TLE3: variants seen among roughly 807,000 people sequenced by gnomAD.
TLE3 encodes TLE family member 3, transcriptional corepressor, also known as transducin-like enhancer protein 3.
Under a neutral mutation model 93.0 loss-of-function variants are expected in TLE3, and 14 were observed. The ratio of observed to expected loss-of-function variants is 0.15; its 90% CI spans 0.10 to 0.24. The LOEUF (loss-of-function observed/expected upper bound fraction) is 0.24, where lower values mean the gene tolerates loss of function less well. Among genes scored for constraint, TLE3 ranks in the 10% least tolerant of loss-of-function variants. The pLI is 1.00. For missense variants in TLE3, 693 were observed against 1,046.6 expected (o/e 0.66, Z 4.66); for synonymous variants, 451 against 425.0 (o/e 1.06, Z -0.75).
chr15:70,064,365 G>A (rs577015074), intron 8 of TLE3, 89 bp downstream of exon 8: 17 of 1,522,556 alleles, frequency 1.1e-5, no homozygotes, highest in Non-Finnish European at 1.8e-6. Flanking sequence ...CCGACTGACT[G>A]GTCTCAGGCC....
intron 14 of TLE3, 36 bp downstream of exon 14, chr15:70,056,262 C>A (rs1017133478): frequency 1.9e-6 from 3 of 1,604,566 alleles, no homozygotes; most frequent in Non-Finnish European, 2.6e-6. Flanking sequence ...TCCTGCCCAC[C>A]CTACAAAGCA....
At chr15:70,082,669 G>A (rs928028860) in intron 4 of TLE3, among the ~76,000 whole-genome samples, 12 of 152,234 alleles carry the variant, frequency 7.9e-5, no homozygotes, top group Non-Finnish European at 1.5e-4. Flanking sequence ...GTACAAGAAA[G>A]GCCCAGCCCC....
At chr15:70,051,248 A>G in intron 19 of TLE3, 143 bp downstream of exon 19, 1 of 704,334 alleles carries the variant, frequency 1.4e-6, no homozygotes, top group East Asian at 3.2e-5. Flanking sequence ...CCTATCAGGT[A>G]GGGGTGGGGA....
At chr15:70,079,455 C>A (rs528164956) in intron 4 of TLE3, 6 of 460,816 alleles carry the variant, frequency 1.3e-5, no homozygotes, top group Admixed American at 3.0e-5. Context: ...CCAGCCCCTC[C>A]CCTGGGAAAG....
In TLE3 at chr15:70,096,271, G is replaced by T; in HGVS notation, c.25-10C>A. The T allele has an allele frequency of 6.4e-7, 1 of 1,551,392 alleles. No homozygotes were observed. ...CGGGTTGATGGGGAGCCTGGAGCCC[G>T]CGAAGACAAGACAGGGGAGGGGGCG... On this transcript the variant is annotated splice_polypyrimidine_tract_variant and intron_variant, in intron 1 of 19. Transcript: ENST00000451782.
chr15:70,048,352 C>A lies in TLE3; in HGVS notation c.*1745G>T, dbSNP rs1339599017. 1.3e-5 allele frequency: 2 copies of A among 152,098 alleles called. No homozygotes were observed. Among genetic ancestry groups the A allele is most frequent in the Non-Finnish European group, 2.9e-5 (2 of 68,036 alleles). 9.4% of individuals were successfully genotyped at this position (152,098 alleles called of 1,614,324 possible). ...GAGGTGGCAGATGGACATCTGAGAC[C>A]CAGAGAGACTCTGGACGCCCCACGC... is the stretch of plus-strand genomic sequence containing the variant. On this transcript the variant is annotated 3_prime_UTR_variant, in exon 20 of 20. Coordinates refer to ENST00000451782, the MANE Select transcript of TLE3 (RefSeq NM_001105192.3).
chr15:70,069,734 C>T (rs954446039), intron 6 of TLE3, among the ~76,000 whole-genome samples: 4 of 152,226 alleles, frequency 2.6e-5, no homozygotes, highest in African/African-American at 7.2e-5. Context: ...ACGGAGGGTC[C>T]GCTAACAACA....
chr15:70,090,840 G>C (rs558891532), intron 4 of TLE3, among the ~76,000 whole-genome samples: 1 of 152,294 alleles, frequency 6.6e-6, no homozygotes, highest in South Asian at 2.1e-4. Context: ...GGACAATAAG[G>C]GTTCAGTGAT....
intron 1 of TLE3, 123 bp from the exon 2 acceptor site, chr15:70,096,384 A>G (rs1163122352): frequency 3.5e-5 from 52 of 1,469,078 alleles, no homozygotes; most frequent in Non-Finnish European, 4.4e-5. Flanking sequence ...GAACCTTCCC[A>G]GCAAGTTTCT....
intron 8 of TLE3, among the ~76,000 whole-genome samples, chr15:70,063,711 T>C (rs950319375): frequency 1.3e-5 from 2 of 152,236 alleles, no homozygotes; most frequent in African/African-American, 4.8e-5. Context: ...CAGACTCCAC[T>C]GCGCTTATTC....
chr15:70,072,996 G>A (rs547116925), intron 6 of TLE3, among the ~76,000 whole-genome samples: 48 of 152,188 alleles, frequency 3.2e-4, no homozygotes, highest in Non-Finnish European at 6.9e-4. Flanking sequence ...CCACACAGTA[G>A]GCCAGGATTC....
In TLE3 at chr15:70,077,497, A is replaced by G. The variant is rs143184341; in HGVS notation, c.235-1339T>C. 4.6e-5 allele frequency among the ~76,000 whole-genome samples: 7 copies of G among 152,360 alleles called. 1 individual carries two copies. In the East Asian group the frequency reaches 1.3e-3, roughly 29 times the overall value. On this transcript the variant is annotated intron_variant, in intron 4 of 19. Coordinates refer to ENST00000451782, the MANE Select transcript of TLE3 (RefSeq NM_001105192.3). Reference sequence around the variant, plus strand: ...TAAAATAAAAACAATCTGAAGGCGCATAAATAGACCCTGGACCTCGGGAGA... The same window carrying G: ...TAAAATAAAAACAATCTGAAGGCGCGTAAATAGACCCTGGACCTCGGGAGA...
Position 70,058,194 on chromosome 15 carries a change from G to C in TLE3, c.1016C>G (p.Ser339Trp). 6.2e-7 allele frequency: 1 copy of C among 1,613,864 alleles called. No individual in the cohort carries two copies. The highest frequency in any genetic ancestry group is 2.2e-5 in the East Asian group (1 of 44,872). ...CATGCCCGGAGGTTTACCCGGCATCGACCTGAGCCCTGGGGTCGTGCTGGT... is the reference window on the plus strand; with the variant it reads ...CATGCCCGGAGGTTTACCCGGCATCCACCTGAGCCCTGGGGTCGTGCTGGT... ...PGTSTTPGLR[S>W]MPGKPPGMDP... is the part of the protein sequence containing the mutation. Residue 339 changes from serine to tryptophan, a missense_variant, in exon 12 of 20, where the codon TCG (serine) becomes TGG (tryptophan). Ser to Trp is a radical substitution (Grantham distance 177). This residue lies in a region of TLE3 where 405 missense variants were observed against 468.9 expected (regional missense o/e 0.86). Coordinates refer to ENST00000451782, the MANE Select transcript of TLE3 (RefSeq NM_001105192.3). This position sits in a 1 kb window ranked among gnomAD's most constrained non-coding sequence, Gnocchi z 4.1.
chr15:70,057,063 ATTAT>A (rs992019507), intron 13 of TLE3, among the ~76,000 whole-genome samples: 5 of 152,116 alleles, frequency 3.3e-5, no homozygotes, highest in Non-Finnish European at 7.4e-5. Flanking sequence ...CCTAACTCTT[ATTAT>A]TTATTCACCA....
Position 70,055,309 on chromosome 15 carries a change from G to A in TLE3, c.1329-11C>T, listed in dbSNP as rs763779838. 6 of 1,552,616 alleles carry A rather than the reference G, an allele frequency of 3.9e-6. No homozygotes were observed. Among genetic ancestry groups the A allele is most frequent in the Non-Finnish European group, 2.6e-6 (3 of 1,149,896 alleles). On this transcript the variant is annotated splice_polypyrimidine_tract_variant and intron_variant, in intron 14 of 19. Transcript: ENST00000451782. ...TGGAATGAGTACGCTCTGAAAAGGTGAGAAACCGTCACTGCTGCCATCCAC... is the reference window on the plus strand; with the variant it reads ...TGGAATGAGTACGCTCTGAAAAGGTAAGAAACCGTCACTGCTGCCATCCAC...
At chr15:70,079,331 AC>A (rs1467831270) in intron 4 of TLE3, 1 of 495,344 alleles carries the variant, frequency 2.0e-6, no homozygotes, top group Non-Finnish European at 4.1e-6. Context: ...GGCAGGAAGG[AC>A]TTTGGCACGT....
intron 6 of TLE3, among the ~76,000 whole-genome samples, chr15:70,070,158 T>C (rs2057064279): frequency 6.6e-6 from 1 of 152,226 alleles, no homozygotes; most frequent in Non-Finnish European, 1.5e-5. Flanking sequence ...ACCAAGCCCA[T>C]GCATGGGCGT....
In TLE3 at chr15:70,049,978, G is replaced by A; in HGVS notation, c.*119C>T. On this transcript the variant is annotated 3_prime_UTR_variant, in exon 20 of 20. Transcript: ENST00000451782. ...TCTCAGCCGGCCGGAGCGCAGCCCTGAACGCTCGGCTGCCTGCGGCCCATC... is the reference window on the plus strand; with the variant it reads ...TCTCAGCCGGCCGGAGCGCAGCCCTAAACGCTCGGCTGCCTGCGGCCCATC... The A allele has an allele frequency of 2.5e-6, 2 of 803,852 alleles. No homozygotes were observed. The highest frequency in any genetic ancestry group is 4.2e-6 in the Non-Finnish European group (2 of 477,358). The allele number at this position is 803,852 out of a possible 1,614,324, so 49.8% of individuals were successfully genotyped here.
chr15:70,052,316 C>T, intron 18 of TLE3, 58 bp downstream of exon 18: 1 of 1,588,256 alleles, frequency 6.3e-7, no homozygotes, highest in Non-Finnish European at 8.6e-7. Flanking sequence ...CCTGTTGGGC[C>T]AGGCTGCCCT....
Sources: allele counts gnomAD v4.1 joint callset (sites outside exome capture counted in the v4.1 genomes callset), GRCh38; gene constraint gnomAD v4.1.1; regional missense constraint gnomAD v4.1.1; non-coding constraint Gnocchi (gnomAD v3.1); transcripts MANE v1.5; gene names NCBI Gene and HGNC (gene_info 2026-07-23, HGNC 2026-07-21).